Variants in CYP7B1 observed in about 807,000 individuals in gnomAD.
CYP7B1 encodes the protein cytochrome P450 family 7 subfamily B member 1.
Under a neutral mutation model 42.7 loss-of-function variants are expected in CYP7B1, and 29 were observed. That is an observed-to-expected ratio of 0.68 (90% CI 0.51 to 0.93). The LOEUF (loss-of-function observed/expected upper bound fraction) is 0.93. CYP7B1 is among the 40% of genes least tolerant of loss of function. The pLI is 0.00. For missense variants in CYP7B1, 655 were observed against 600.5 expected, an observed-to-expected ratio of 1.09 and a Z score of -0.95; for synonymous variants, 235 against 218.2, an observed-to-expected ratio of 1.08 and a Z score of -0.68.
At position 64,604,667 on chromosome 8, in the gene CYP7B1, T is replaced by G; in HGVS notation, c.1233+15A>C. 1 of 1,613,896 alleles carries G rather than the reference T, an allele frequency of 6.2e-7. No individual in the cohort carries two copies. The highest frequency in any genetic ancestry group is 8.5e-7 in the Non-Finnish European group (1 of 1,179,952). On this transcript the variant is annotated intron_variant, in intron 5 of 5. Transcript: ENST00000310193. ...GATCTAAGAAGTAGCAATCATAGGC[T>G]TGATGTTTACTTACCTCTGGAGCTT...
chr8:64,644,749 T>A (rs1273716218), intron 1 of CYP7B1, among the ~76,000 whole-genome samples: 2 of 152,126 alleles, frequency 1.3e-5, no homozygotes, highest in East Asian at 3.9e-4. Flanking sequence ...GTAGAGTAGA[T>A]TTCCACATTC....
chr8:64,715,658 A>T (rs1324661497), intron 1 of CYP7B1, among the ~76,000 whole-genome samples: 1 of 146,842 alleles, frequency 6.8e-6, no homozygotes, highest in Admixed American at 6.7e-5. Context: ...CTGGCAACAG[A>T]GGGAAAATGG....
chr8:64,754,047 A>T (rs891452448), intron 1 of CYP7B1, among the ~76,000 whole-genome samples: 6 of 152,204 alleles, frequency 3.9e-5, no homozygotes, highest in African/African-American at 1.4e-4. Context: ...AACCATGTCC[A>T]TGCAACAAAG....
chr8:64,600,180 G>T (rs1585798027), intron 5 of CYP7B1, among the ~76,000 whole-genome samples: 3 of 152,218 alleles, frequency 2.0e-5, no homozygotes, highest in East Asian at 3.8e-4. Context: ...GTAGGAAATT[G>T]TATAATATTG....
intron 1 of CYP7B1, among the ~76,000 whole-genome samples, chr8:64,687,698 C>G (rs1025061069): frequency 6.6e-6 from 1 of 152,008 alleles, no homozygotes; most frequent in Non-Finnish European, 1.5e-5. Flanking sequence ...ATTATGTAAA[C>G]CTCAAAAATA....
At chr8:64,657,245 GC>G (rs1244487580) in intron 1 of CYP7B1, among the ~76,000 whole-genome samples, 2 of 152,098 alleles carry the variant, frequency 1.3e-5, no homozygotes, top group African/African-American at 4.8e-5. Context: ...CATTTGTGAG[GC>G]CTAGAACAGA....
At chr8:64,793,216 C>A (rs1804648619) in intron 1 of CYP7B1, among the ~76,000 whole-genome samples, 1 of 152,118 alleles carries the variant, frequency 6.6e-6, no homozygotes, top group African/African-American at 2.4e-5. Context: ...GTTATCACCC[C>A]CTCTCCATCA....
intron 1 of CYP7B1, among the ~76,000 whole-genome samples, chr8:64,704,807 A>C (rs75055281): frequency 0.021 from 3,216 of 152,172 alleles, 108 homozygotes; most frequent in African/African-American, 0.071. Flanking sequence ...TAATATATTT[A>C]TTTTATGCTG....
chr8:64,642,686 C>A (rs1805875679), intron 1 of CYP7B1, among the ~76,000 whole-genome samples: 1 of 152,082 alleles, frequency 6.6e-6, no homozygotes, highest in Non-Finnish European at 1.5e-5. Context: ...AAATTATGGT[C>A]AGCTATAGAA....
chr8:64,763,089 T>C (rs1437888079), intron 1 of CYP7B1, among the ~76,000 whole-genome samples: 1 of 152,114 alleles, frequency 6.6e-6, no homozygotes, highest in Non-Finnish European at 1.5e-5. Context: ...CCACCACTGC[T>C]GTTTGCCACT....
At chr8:64,780,365 A>G (rs1804401086) in intron 1 of CYP7B1, among the ~76,000 whole-genome samples, 1 of 152,160 alleles carries the variant, frequency 6.6e-6, no homozygotes, top group Non-Finnish European at 1.5e-5. Flanking sequence ...TAAAGCTTCT[A>G]AAGTTTCTTC....
intron 1 of CYP7B1, among the ~76,000 whole-genome samples, chr8:64,721,772 A>G (rs1365597679): frequency 6.6e-6 from 1 of 152,158 alleles, no homozygotes; most frequent in Non-Finnish European, 1.5e-5. Flanking sequence ...AAATAACACT[A>G]TATCTTTATG....
At chr8:64,620,329 G>A (rs566259477) in intron 2 of CYP7B1, among the ~76,000 whole-genome samples, 2 of 152,224 alleles carry the variant, frequency 1.3e-5, no homozygotes, top group African/African-American at 4.8e-5. Context: ...AGTCAACTTT[G>A]TACTTTATGA....
Position 64,730,322 on chromosome 8 carries a change from AG to A in CYP7B1, c.122+68143del, listed in dbSNP as rs1807389777. 2.6e-5 allele frequency among the ~76,000 whole-genome samples: 4 copies of A among 151,802 alleles called. No individual in the cohort carries two copies. In the South Asian group the frequency reaches 8.3e-4, roughly 32 times the overall value. ...TGACCTCAAGTGATCCACCCTCCTCAGGCTCCCAGAGTGCTAGGATTACAGG... is the reference window on the plus strand; with the variant it reads ...TGACCTCAAGTGATCCACCCTCCTCAGCTCCCAGAGTGCTAGGATTACAGG... On this transcript the variant is annotated intron_variant, in intron 1 of 5. Coordinates refer to ENST00000310193, the MANE Select transcript of CYP7B1 (RefSeq NM_004820.5).
At chr8:64,650,927 G>A (rs1386393762) in intron 1 of CYP7B1, among the ~76,000 whole-genome samples, 2 of 152,154 alleles carry the variant, frequency 1.3e-5, no homozygotes, top group East Asian at 3.8e-4. Flanking sequence ...GGGCTCAGAC[G>A]AGGCAAATGA....
intron 1 of CYP7B1, among the ~76,000 whole-genome samples, chr8:64,749,300 C>T (rs1343197705): frequency 2.0e-5 from 3 of 152,028 alleles, no homozygotes; most frequent in Admixed American, 1.3e-4. Flanking sequence ...AGGCTGGTCT[C>T]GAACTTGTGA....
At chr8:64,789,299 G>T (rs1804579826) in intron 1 of CYP7B1, among the ~76,000 whole-genome samples, 1 of 152,108 alleles carries the variant, frequency 6.6e-6, no homozygotes, top group African/African-American at 2.4e-5. Context: ...AAATGTATAT[G>T]ATTCATAACC....
At chr8:64,792,980 T>C (rs1804645284) in intron 1 of CYP7B1, among the ~76,000 whole-genome samples, 1 of 152,180 alleles carries the variant, frequency 6.6e-6, no homozygotes, top group Non-Finnish European at 1.5e-5. Flanking sequence ...AAACTACCTA[T>C]GTGGGCCTGG....
At chr8:64,741,829 A>G (rs912549327) in intron 1 of CYP7B1, among the ~76,000 whole-genome samples, 4 of 152,138 alleles carry the variant, frequency 2.6e-5, no homozygotes, top group African/African-American at 9.7e-5. Context: ...AAACTACAAA[A>G]CTCTAATAAA....
Sources: allele counts gnomAD v4.1 joint callset (sites outside exome capture counted in the v4.1 genomes callset), GRCh38; gene constraint gnomAD v4.1.1; transcripts MANE v1.5; gene names NCBI Gene and HGNC (gene_info 2026-07-23, HGNC 2026-07-21).